The following ULK4 variants were observed in gnomAD, a reference collection of about 807,000 sequenced individuals.
The protein encoded by ULK4 is inactive serine/threonine-protein kinase ULK4.
ULK4 carries 133 observed loss-of-function variants against 160.6 expected under a neutral mutation model. The observed-to-expected ratio is 0.83, with a 90% CI of 0.72 to 0.96. ULK4 has a LOEUF of 0.96. Ranked by LOEUF, ULK4 falls within the 40% of genes least tolerant of loss-of-function variation. The probability of loss-of-function intolerance (pLI) is 0.00; values close to 1 mark genes in which losing one functional copy is unlikely to be tolerated. For missense variants in ULK4, 1,580 were observed against 1,499.5 expected, an observed-to-expected ratio of 1.05 and a Z score of -0.89; for synonymous variants, 534 against 539.8, an observed-to-expected ratio of 0.99 and a Z score of 0.15.
At chr3:41,386,024 A>C (rs1486784106) in intron 35 of ULK4, among the ~76,000 whole-genome samples, 1 of 152,208 alleles carries the variant, frequency 6.6e-6, no homozygotes, top group Non-Finnish European at 1.5e-5. Flanking sequence ...CTGGGAAGAA[A>C]TATACTGTAT....
chr3:41,668,037 T>A (rs2035406643), intron 29 of ULK4, among the ~76,000 whole-genome samples: 1 of 152,144 alleles, frequency 6.6e-6, no homozygotes. Flanking sequence ...GAGAAAATAT[T>A]CTGAGGTATG....
intron 34 of ULK4, among the ~76,000 whole-genome samples, chr3:41,438,108 T>TAAAA (rs11457444): frequency 9.2e-4 from 113 of 122,916 alleles, no homozygotes; most frequent in African/African-American, 3.0e-3. Context: ...TGTTTATTGT[T>TAAAA]AAAAAAAAAA....
At chr3:41,317,933 T>C (rs1179324389) in intron 35 of ULK4, among the ~76,000 whole-genome samples, 1 of 152,218 alleles carries the variant, frequency 6.6e-6, no homozygotes, top group East Asian at 1.9e-4. Context: ...ATCTTCTTCC[T>C]GTTAACTCAC....
chr3:41,425,469 A>T (rs893216379), intron 34 of ULK4, among the ~76,000 whole-genome samples: 2 of 152,128 alleles, frequency 1.3e-5, no homozygotes, highest in African/African-American at 4.8e-5. Flanking sequence ...ATATTCCACC[A>T]TTTCAACCCC....
chr3:41,689,063 G>A (rs912430109), intron 27 of ULK4, among the ~76,000 whole-genome samples: 1 of 152,180 alleles, frequency 6.6e-6, no homozygotes, highest in Admixed American at 6.5e-5. Flanking sequence ...CAATCACATA[G>A]GATGTCCTGC....
chr3:41,508,879 C>T (rs2085481984), intron 32 of ULK4, among the ~76,000 whole-genome samples: 1 of 152,042 alleles, frequency 6.6e-6, no homozygotes, highest in Admixed American at 6.5e-5. Flanking sequence ...GAGAAGGAAC[C>T]AGAAAAACAA....
chr3:41,611,329 C>T (rs1258971343), intron 31 of ULK4, among the ~76,000 whole-genome samples: 2 of 152,152 alleles, frequency 1.3e-5, no homozygotes, highest in East Asian at 3.9e-4. Context: ...GCACCCAGCT[C>T]CCACAACAGC....
chr3:41,397,586 A>C (rs1204543035), intron 35 of ULK4, among the ~76,000 whole-genome samples: 1 of 152,160 alleles, frequency 6.6e-6, no homozygotes, highest in Non-Finnish European at 1.5e-5. Flanking sequence ...AATCTTCAAA[A>C]ATATCATGAA....
intron 35 of ULK4, among the ~76,000 whole-genome samples, chr3:41,263,689 G>A (rs140907729): frequency 1.8e-4 from 27 of 152,342 alleles, no homozygotes; most frequent in East Asian, 5.8e-4. Context: ...CTCCAGTGTC[G>A]TAAGAAAGTG....
chr3:41,720,775 T>C (rs1228889585), intron 22 of ULK4, among the ~76,000 whole-genome samples: 2 of 152,212 alleles, frequency 1.3e-5, no homozygotes, highest in Non-Finnish European at 2.9e-5. Context: ...GATACTCTAG[T>C]TCATTGCTGT....
rs57199702 is a variant in ULK4 at position 41,933,744 on chromosome 3, T to TA, written c.379-1739dup. ...AAAACTGCCACACACAAAAAATTAATAAAAAAAAAATAATGTGGTTTTTAG... is the reference window on the plus strand; with the variant it reads ...AAAACTGCCACACACAAAAAATTAATAAAAAAAAAAATAATGTGGTTTTTAG... On this transcript the variant is annotated intron_variant, in intron 4 of 36. Transcript: ENST00000301831. Among the ~76,000 whole-genome samples, 888 of 148,946 alleles carry TA rather than the reference T, an allele frequency of 6.0e-3. 8 individuals carry two copies. The highest frequency in any genetic ancestry group is 0.02 in the African/African-American group (801 of 40,576).
At chr3:41,588,221 T>C (rs6777112) in intron 31 of ULK4, among the ~76,000 whole-genome samples, 40,137 of 152,048 alleles carry the variant, frequency 0.26, 5,928 homozygotes, top group Middle Eastern at 0.34. Context: ...CATAGATACA[T>C]AGATTATCTG....
At chr3:41,314,744 G>T (rs918246155) in intron 35 of ULK4, among the ~76,000 whole-genome samples, 2 of 152,034 alleles carry the variant, frequency 1.3e-5, no homozygotes, top group Admixed American at 6.6e-5. Context: ...TGAAAAATTT[G>T]GTGATGGTCT....
In ULK4 at chr3:41,935,804, C is replaced by T. The variant is rs1699759030; in HGVS notation, c.375G>A (p.Arg125=). ...LGILFCDISP[R]KILLEGPGTL... ...ATCAAAAACTTTCATGAATTACCTT[C>T]CTAGGAGAAATGTCACAAAAGAGAA... is the stretch of plus-strand genomic sequence containing the variant. Residue 125 remains arginine (R), a synonymous_variant, in exon 4 of 37, where the codon AGG becomes AGA. Transcript: ENST00000301831. The T allele has an allele frequency of 6.2e-7, 1 of 1,608,090 alleles. No homozygotes were observed. The highest frequency in any genetic ancestry group is 8.5e-7 in the Non-Finnish European group (1 of 1,177,904).
chr3:41,576,726 A>G (rs1184181716), intron 31 of ULK4, among the ~76,000 whole-genome samples: 1 of 152,272 alleles, frequency 6.6e-6, no homozygotes, highest in African/African-American at 2.4e-5. Flanking sequence ...TAATGTTTGC[A>G]AAAACTGATA....
At chr3:41,743,821 A>G (rs1487429227) in intron 22 of ULK4, among the ~76,000 whole-genome samples, 9 of 151,824 alleles carry the variant, frequency 5.9e-5, no homozygotes, top group Non-Finnish European at 1.2e-4. Flanking sequence ...GCACACAACC[A>G]TGCACGGCTA....
At chr3:41,734,534 A>C (rs1463729321) in intron 22 of ULK4, among the ~76,000 whole-genome samples, 1 of 152,224 alleles carries the variant, frequency 6.6e-6, no homozygotes, top group Non-Finnish European at 1.5e-5. Context: ...TAGTGTTTGA[A>C]GCCACAGGAT....
chr3:41,524,907 C>T (rs951484289), intron 32 of ULK4, among the ~76,000 whole-genome samples: 10 of 152,030 alleles, frequency 6.6e-5, no homozygotes, highest in Admixed American at 1.3e-4. Flanking sequence ...CACTGCACTC[C>T]AGTCTGGCGA....
intron 30 of ULK4, among the ~76,000 whole-genome samples, chr3:41,638,950 T>G (rs2034068459): frequency 1.3e-5 from 2 of 152,236 alleles, no homozygotes; most frequent in African/African-American, 4.8e-5. Flanking sequence ...GCACAAGTAC[T>G]TTGTTAATTC....
Sources: gnomAD v4.1 joint callset for allele counts (sites outside exome capture counted in the v4.1 genomes callset) on GRCh38, gnomAD v4.1.1 for gene constraint, MANE v1.5 for transcripts, NCBI Gene and HGNC (gene_info 2026-07-23, HGNC 2026-07-21) for gene names.